ROBO2: variants seen among roughly 807,000 people sequenced by gnomAD.
ROBO2 encodes roundabout guidance receptor 2.
ROBO2 carries 53 observed loss-of-function variants against 160.8 expected under a neutral mutation model. That is an observed-to-expected ratio of 0.33 (90% CI 0.26 to 0.41). The LOEUF (loss-of-function observed/expected upper bound fraction) is 0.41, where lower values mean the gene tolerates loss of function less well. Among genes scored for constraint, ROBO2 ranks in the 10% least tolerant of loss-of-function variants. The pLI, the probability that ROBO2 is intolerant of heterozygous loss-of-function variation, is 1.00. For missense variants in ROBO2, 1,577 were observed against 1,722.4 expected, an observed-to-expected ratio of 0.92 and a Z score of 1.49; for synonymous variants, 664 against 611.7, an observed-to-expected ratio of 1.09 and a Z score of -1.26.
intron 2 of ROBO2, among the ~76,000 whole-genome samples, chr3:76,374,920 A>T (rs1485398543): frequency 2.0e-5 from 3 of 151,108 alleles, no homozygotes; most frequent in South Asian, 4.2e-4. Context: ...TATCAGTGTG[A>T]CTATCGTACG....
At chr3:76,025,695 A>G (rs11916175) in intron 2 of ROBO2, among the ~76,000 whole-genome samples, 11,145 of 151,860 alleles carry the variant, frequency 0.073, 1,051 homozygotes, top group African/African-American at 0.22. Flanking sequence ...GAAAGCCCAC[A>G]TTAAGCGTGT....
chr3:76,533,707 T>C (rs2082347499), intron 2 of ROBO2, among the ~76,000 whole-genome samples: 1 of 152,046 alleles, frequency 6.6e-6, no homozygotes. Context: ...GGGGCAGCTT[T>C]ATAGGGCTCG....
intron 2 of ROBO2, among the ~76,000 whole-genome samples, chr3:76,955,910 A>G (rs1378684464): frequency 6.6e-6 from 1 of 151,456 alleles, no homozygotes; most frequent in Non-Finnish European, 1.5e-5. Flanking sequence ...AAAAAGAAAG[A>G]AAGAAACACA....
chr3:76,136,877 C>T (rs749445408), intron 2 of ROBO2, among the ~76,000 whole-genome samples: 2 of 151,882 alleles, frequency 1.3e-5, no homozygotes, highest in African/African-American at 2.4e-5. Flanking sequence ...TGATCATGTA[C>T]AGAAGTCAGT....
chr3:76,068,060 G>A (rs928502564), intron 2 of ROBO2, among the ~76,000 whole-genome samples: 1 of 152,166 alleles, frequency 6.6e-6, no homozygotes, highest in African/African-American at 2.4e-5. Context: ...CATGGAGGGT[G>A]GACGGTTACA....
intron 2 of ROBO2, among the ~76,000 whole-genome samples, chr3:76,706,110 A>G (rs577986856): frequency 6.6e-6 from 1 of 152,286 alleles, no homozygotes; most frequent in South Asian, 2.1e-4. Context: ...TTATTTTGTC[A>G]TAACAATTGG....
At chr3:77,219,363 A>G (rs1464196784) in intron 2 of ROBO2, among the ~76,000 whole-genome samples, 1 of 150,052 alleles carries the variant, frequency 6.7e-6, no homozygotes, top group South Asian at 2.1e-4. Flanking sequence ...AAATGATTAT[A>G]ACCAAACTTA....
intron 21 of ROBO2, among the ~76,000 whole-genome samples, chr3:77,612,302 AC>A (rs1222656449): frequency 6.6e-6 from 1 of 152,224 alleles, no homozygotes. Flanking sequence ...AAACAGGGCT[AC>A]ACTTCATAAA....
chr3:77,136,924 C>T (rs1477716902), intron 2 of ROBO2, among the ~76,000 whole-genome samples: 2 of 151,910 alleles, frequency 1.3e-5, no homozygotes, highest in South Asian at 2.1e-4. Context: ...CCTGAGCCAC[C>T]GTGCCTGGCC....
rs188535891 is a variant in ROBO2 at position 76,263,377 on chromosome 3, C to T, written c.109+325775C>T. ...AAATAGCTGTGACTACAGGCATGCACTACCATACCTAGCTAATTAAAAAAA... is the reference window on the plus strand; with the variant it reads ...AAATAGCTGTGACTACAGGCATGCATTACCATACCTAGCTAATTAAAAAAA... On this transcript the variant is annotated intron_variant, in intron 2 of 26. Coordinates refer to the ROBO2 transcript ENST00000487694. 1.2e-3 allele frequency among the ~76,000 whole-genome samples: 180 copies of T among 152,100 alleles called. 2 individuals carry two copies. The highest frequency in any genetic ancestry group is 4.3e-3 in the African/African-American group (177 of 41,498).
At chr3:77,463,828 ACCTCGTGG>A (rs1461971135) in intron 2 of ROBO2, among the ~76,000 whole-genome samples, 4 of 151,908 alleles carry the variant, frequency 2.6e-5, no homozygotes, top group Non-Finnish European at 5.9e-5. Context: ...GGATCCCCCG[ACCTCGTGG>A]CCTGTCAAAG....
At chr3:76,010,950 G>C (rs1320107756) in intron 2 of ROBO2, among the ~76,000 whole-genome samples, 1 of 152,184 alleles carries the variant, frequency 6.6e-6, no homozygotes, top group South Asian at 2.1e-4. Flanking sequence ...TAGGGCTTGG[G>C]GATATTTAGA....
chr3:77,019,057 T>G (rs2062460871), intron 2 of ROBO2, among the ~76,000 whole-genome samples: 1 of 152,186 alleles, frequency 6.6e-6, no homozygotes, highest in African/African-American at 2.4e-5. Context: ...CTTTCTTCTA[T>G]GAAGGATTTA....
intron 2 of ROBO2, among the ~76,000 whole-genome samples, chr3:76,907,823 G>GGGGGGTGTGTGTGT (rs112697690): frequency 7.6e-5 from 11 of 145,430 alleles, no homozygotes; most frequent in Non-Finnish European, 1.7e-4. Context: ...GTTTGTTTGG[G>GGGGGGTGTGTGTGT]GTGTGTGTGT....
rs190036834 is a variant in ROBO2, at chr3:76,246,404, G to T, written c.109+308802G>T. ...ACTGGAATGCAGAAAGGTTAATGGA[G>T]GTTTTGAAAACTAATTAGTAAATAA... On this transcript the variant is annotated intron_variant, in intron 2 of 26. Transcript: ENST00000487694. 3.3e-5 allele frequency among the ~76,000 whole-genome samples: 5 copies of T among 152,124 alleles called. No individual in the cohort carries two copies. In the East Asian group the frequency reaches 9.7e-4, roughly 29 times the overall value.
chr3:76,141,060 C>CATACATATATATAT (rs1553656032), intron 2 of ROBO2, among the ~76,000 whole-genome samples: 1 of 53,578 alleles, frequency 1.9e-5, no homozygotes, highest in Non-Finnish European at 3.5e-5. Context: ...TTTTTACATA[C>CATACATATATATAT]ATATATATAT....
chr3:77,344,453 A>G (rs2067408404), intron 2 of ROBO2, among the ~76,000 whole-genome samples: 1 of 152,066 alleles, frequency 6.6e-6, no homozygotes, highest in Non-Finnish European at 1.5e-5. Context: ...GCCCTCATGA[A>G]TGGGATTAGT....
chr3:77,447,572 A>G (rs2080674911), intron 2 of ROBO2, among the ~76,000 whole-genome samples: 1 of 152,186 alleles, frequency 6.6e-6, no homozygotes, highest in Admixed American at 6.6e-5. Context: ...ACGGACCACC[A>G]AAATTATAGA....
intron 2 of ROBO2, among the ~76,000 whole-genome samples, chr3:76,331,508 A>G (rs1309501893): frequency 6.6e-6 from 1 of 151,242 alleles, no homozygotes; most frequent in African/African-American, 2.4e-5. Flanking sequence ...TTTGGCTCTT[A>G]TTTCCTTTAT....
Sources: gnomAD v4.1 joint callset for allele counts (sites outside exome capture counted in the v4.1 genomes callset) on GRCh38, gnomAD v4.1.1 for gene constraint, MANE v1.5 for transcripts, NCBI Gene and HGNC (gene_info 2026-07-23, HGNC 2026-07-21) for gene names.